ITIH5: variants seen among roughly 807,000 people sequenced by gnomAD.
ITIH5 encodes the protein inter-alpha-trypsin inhibitor heavy chain H5.
Under a neutral mutation model 77.5 loss-of-function variants are expected in ITIH5, and 65 were observed. The ratio of observed to expected loss-of-function variants is 0.84; its 90% CI spans 0.69 to 1.03. The LOEUF (loss-of-function observed/expected upper bound fraction) is 1.03, where lower values mean the gene tolerates loss of function less well. Among genes scored for constraint, ITIH5 ranks in the 50% least tolerant of loss-of-function variants. The probability of loss-of-function intolerance (pLI) is 0.00; values close to 1 mark genes in which losing one functional copy is unlikely to be tolerated. For synonymous variants in ITIH5, 525 were observed against 494.3 expected, an observed-to-expected ratio of 1.06 and a Z score of -0.82; for missense variants, 1,208 against 1,213.1, an observed-to-expected ratio of 1.00 and a Z score of 0.06.
At chr10:7,650,958 T>C (rs951573155) in intron 2 of ITIH5, among the ~76,000 whole-genome samples, 5 of 151,994 alleles carry the variant, frequency 3.3e-5, no homozygotes, top group Non-Finnish European at 7.4e-5. Flanking sequence ...TTTATTTTTA[T>C]ACAAGAAAAC....
intron 5 of ITIH5, among the ~76,000 whole-genome samples, chr10:7,629,586 T>C (rs1448697320): frequency 1.3e-5 from 2 of 151,742 alleles, no homozygotes; most frequent in Admixed American, 1.3e-4. Flanking sequence ...TGTTTTCGCA[T>C]GTGTCCATGT....
chr10:7,624,865 G>GTATATACACATATATATGTATATATATA (rs1588409019), intron 5 of ITIH5, among the ~76,000 whole-genome samples: 1 of 20,572 alleles, frequency 4.9e-5, no homozygotes, highest in Admixed American at 6.7e-4. Context: ...GTGTATATAT[G>GTATATACACATATATATGTATATATATA]TATATATGTA....
At chr10:7,646,198 A>G (rs1834007853) in intron 2 of ITIH5, among the ~76,000 whole-genome samples, 1 of 152,202 alleles carries the variant, frequency 6.6e-6, no homozygotes, top group South Asian at 2.1e-4. Context: ...AATAGGAATC[A>G]ATGCTTTAAA....
At position 7,569,010 on chromosome 10, in the gene ITIH5, CTTTTTT is replaced by C. The variant is rs5782983; in HGVS notation, c.2149+652_2149+657del. ...GGTTTTCTTTTCTTTTTTTCTTTTT[CTTTTTT>C]TTTTTTTTTTTTTTTTTGAGATAGA... is the stretch of plus-strand genomic sequence containing the variant. On this transcript the variant is annotated intron_variant, in intron 12 of 13. Coordinates refer to ENST00000397146, the MANE Select transcript of ITIH5 (RefSeq NM_030569.7). 3.2e-3 allele frequency among the ~76,000 whole-genome samples: 230 copies of C among 71,610 alleles called. 1 individual carries two copies. Among genetic ancestry groups the C allele is most frequent in the African/African-American group, 0.01 (212 of 20,232 alleles). 47.0% of individuals were successfully genotyped at this position (71,610 alleles called of 152,430 possible).
chr10:7,561,149 T>C lies in ITIH5; in HGVS notation c.*1934A>G, dbSNP rs1043180243. On this transcript the variant is annotated 3_prime_UTR_variant, in exon 14 of 14. Coordinates refer to ENST00000397146, the MANE Select transcript of ITIH5 (RefSeq NM_030569.7). ...AATGAAAGCTCAACTTTGTTACTTA[T>C]GTTTTTCTGAGCAAGCAAGTTAGCT... is the stretch of plus-strand genomic sequence containing the variant. The C allele has an allele frequency of 6.6e-6, 1 of 152,140 alleles. No individual in the cohort carries two copies. 9.4% of individuals were successfully genotyped at this position (152,140 alleles called of 1,614,324 possible). A position where few individuals can be genotyped will look rare whatever the true frequency, so the allele number is the denominator to read the frequency against.
chr10:7,597,101 A>G (rs1832919467), intron 7 of ITIH5, among the ~76,000 whole-genome samples: 2 of 149,798 alleles, frequency 1.3e-5, no homozygotes, highest in African/African-American at 4.9e-5. Context: ...TAAAAGCCTG[A>G]TTTGAGCCAT....
rs546616080 is a variant in ITIH5 at position 7,629,332 on chromosome 10, C to A, written c.652+7896G>T. Among the ~76,000 whole-genome samples the A allele has an allele frequency of 1.5e-3, 154 of 101,146 alleles. 8 individuals carry two copies. The highest frequency in any genetic ancestry group is 6.1e-3 in the African/African-American group (122 of 20,126). The allele number at this position is 101,146 out of a possible 152,430, so 66.4% of individuals were successfully genotyped here. A position where few individuals can be genotyped will look rare whatever the true frequency, so the allele number is the denominator to read the frequency against. On this transcript the variant is annotated intron_variant, in intron 5 of 13. Coordinates refer to ENST00000397146, the MANE Select transcript of ITIH5 (RefSeq NM_030569.7). Reference sequence around the variant, plus strand: ...GTTGTAGCGTGTGCCCATGTTGTAGCGTGTGCCCATGTTGTAGCGTGTGTC... The same window carrying A: ...GTTGTAGCGTGTGCCCATGTTGTAGAGTGTGCCCATGTTGTAGCGTGTGTC...
rs888791968 is a variant in ITIH5, at chr10:7,559,304, CTCCAAT to C, written c.*3773_*3778del. 2.0e-5 allele frequency: 3 copies of C among 152,332 alleles called. No individual in the cohort carries two copies. The highest frequency in any genetic ancestry group is 4.8e-5 in the African/African-American group (2 of 41,454). The allele number at this position is 152,332 out of a possible 1,614,324, so 9.4% of individuals were successfully genotyped here. Reference sequence around the variant, plus strand: ...ATTCTTCAAGTTTTATTCTCAACAGCTCCAATTCCATTTTCCCTTAGAAAAATAAAC... The same window carrying C: ...ATTCTTCAAGTTTTATTCTCAACAGCTCCATTTTCCCTTAGAAAAATAAAC... On this transcript the variant is annotated 3_prime_UTR_variant, in exon 14 of 14. Coordinates refer to ENST00000397146, the MANE Select transcript of ITIH5 (RefSeq NM_030569.7).
At chr10:7,618,788 A>G (rs1030017486) in intron 5 of ITIH5, 1 of 152,284 alleles carries the variant, frequency 6.6e-6, no homozygotes, top group Non-Finnish European at 1.5e-5. Flanking sequence ...GTATTTAAAA[A>G]TAAACTTCCT....
At chr10:7,613,044 A>G (rs1833283003) in intron 7 of ITIH5, among the ~76,000 whole-genome samples, 1 of 152,306 alleles carries the variant, frequency 6.6e-6, no homozygotes, top group Admixed American at 6.5e-5. Flanking sequence ...TAGGAGTTCG[A>G]GACCAGCCTG....
In ITIH5 at chr10:7,560,440, C is replaced by G. The variant is rs1325331822; in HGVS notation, c.*2643G>C. On this transcript the variant is annotated 3_prime_UTR_variant, in exon 14 of 14. Transcript: ENST00000397146. ...AGAGGTGCCCACTCCGATTCCCAGT[C>G]CCCGGCCTCCTCAGCACAGCTGTGG... 6.6e-6 allele frequency: 1 copy of G among 152,248 alleles called. No individual in the cohort carries two copies. Among genetic ancestry groups the G allele is most frequent in the Non-Finnish European group, 1.5e-5 (1 of 68,070 alleles). 9.4% of individuals were successfully genotyped at this position (152,248 alleles called of 1,614,324 possible). A position where few individuals can be genotyped will look rare whatever the true frequency, so the allele number is the denominator to read the frequency against.
intron 7 of ITIH5, among the ~76,000 whole-genome samples, chr10:7,610,707 A>G (rs1380359744): frequency 1.3e-5 from 2 of 152,220 alleles, no homozygotes; most frequent in Admixed American, 6.5e-5. Context: ...CTTTTCACTT[A>G]GTACTGTGGC....
At chr10:7,659,179 C>A (rs1834236463) in intron 1 of ITIH5, among the ~76,000 whole-genome samples, 1 of 152,002 alleles carries the variant, frequency 6.6e-6, no homozygotes, top group African/African-American at 2.4e-5. Context: ...GAGTTCGAAA[C>A]CAACCTGGCC....
intron 5 of ITIH5, 85 bp downstream of exon 5, chr10:7,637,143 C>G (rs902328686): frequency 1.1e-5 from 16 of 1,480,720 alleles, no homozygotes; most frequent in Non-Finnish European, 1.4e-5. Flanking sequence ...GGGAAGGGTG[C>G]CATCTCTTGC....
intron 12 of ITIH5, among the ~76,000 whole-genome samples, chr10:7,569,010 CTTTTTTTTTT>C (rs5782983): frequency 4.2e-5 from 3 of 71,596 alleles, no homozygotes; most frequent in Admixed American, 1.9e-4. Flanking sequence ...TTTTCTTTTT[CTTTTTTTTTT>C]TTTTTTTTTT....
At position 7,576,789 on chromosome 10, in the gene ITIH5, G is replaced by A. The variant is rs547413516; in HGVS notation, c.1642C>T (p.Arg548Trp). ...ACATCTTTCCCTGCCTTCTGAGGCC[G>A]CACAGGCACATCTGTCTTCAGGATG... ...FIILKTDVPV[R>W]PQKAGKDVTG... The change falls in exon 10 of 14, where the codon CGG (arginine) becomes TGG (tryptophan). Residue 548 changes from arginine to tryptophan, a missense_variant. By Grantham distance (101) the Arg-to-Trp change is moderately radical (BLOSUM62 -3). Coordinates refer to ENST00000397146, the MANE Select transcript of ITIH5 (RefSeq NM_030569.7). 75 of 1,614,124 alleles carry A rather than the reference G, an allele frequency of 4.6e-5. No individual in the cohort carries two copies. The highest frequency in any genetic ancestry group is 8.9e-5 in the East Asian group (4 of 44,876).
chr10:7,663,913 C>T (rs11255273), intron 1 of ITIH5, among the ~76,000 whole-genome samples: 30,035 of 152,136 alleles, frequency 0.2, 3,328 homozygotes, highest in Non-Finnish European at 0.25. Context: ...ATTACAGATA[C>T]TCAATAACTG....
chr10:7,662,133 C>T (rs562404271), intron 1 of ITIH5, among the ~76,000 whole-genome samples: 3 of 151,950 alleles, frequency 2.0e-5, no homozygotes, highest in South Asian at 2.1e-4. Flanking sequence ...CAAGGCAGGC[C>T]GATCATCTGA....
intron 11 of ITIH5, chr10:7,572,395 C>A (rs2275067): frequency 7.3e-7 from 1 of 1,364,610 alleles, no homozygotes; most frequent in Non-Finnish European, 9.8e-7. Flanking sequence ...TCTGAAGCCA[C>A]GAACTGAAAA....
Sources: allele counts gnomAD v4.1 joint callset (sites outside exome capture counted in the v4.1 genomes callset), GRCh38; gene constraint gnomAD v4.1.1; transcripts MANE v1.5; gene names NCBI Gene and HGNC (gene_info 2026-07-23, HGNC 2026-07-21).